The following DNMT3A variants were observed in gnomAD, a reference collection of about 807,000 sequenced individuals.
The protein encoded by DNMT3A is DNA methyltransferase 3 alpha, also known as DNA (cytosine-5)-methyltransferase 3A.
DNMT3A carries 267 observed loss-of-function variants against 117.6 expected under a neutral mutation model. That is an observed-to-expected ratio of 2.27 (90% CI 2.05 to 2.51). DNMT3A has a LOEUF of 2.51. DNMT3A is among the 30% of genes most tolerant of loss of function. DNMT3A has a pLI of 0.00. For missense variants in DNMT3A, 1,029 were observed against 1,260.2 expected (o/e 0.82, Z 2.78); for synonymous variants, 432 against 474.8 (o/e 0.91, Z 1.17).
intron 6 of DNMT3A, among the ~76,000 whole-genome samples, chr2:25,261,649 G>A (rs934598255): frequency 6.6e-6 from 1 of 151,444 alleles, no homozygotes; most frequent in African/African-American, 2.4e-5. Context: ...AAATAGAAAT[G>A]TATATATTGT....
chr2:25,320,951 G>A (rs549290364), intron 1 of DNMT3A, among the ~76,000 whole-genome samples: 2 of 152,218 alleles, frequency 1.3e-5, no homozygotes, highest in African/African-American at 4.8e-5. Context: ...GACCAACATG[G>A]AGAAACTCCG....
rs1441222473 is a variant in DNMT3A at position 25,233,761 on chromosome 2, T to C, written c.*518A>G. The C allele has an allele frequency of 5.7e-5, 5 of 87,818 alleles. No individual in the cohort carries two copies. The highest frequency in any genetic ancestry group is 9.9e-5 in the African/African-American group (1 of 10,138). 5.4% of individuals were successfully genotyped at this position (87,818 alleles called of 1,614,324 possible). On this transcript the variant is annotated 3_prime_UTR_variant, in exon 23 of 23. Transcript: ENST00000321117. ...CTAGAGACAACAAAAAAAAGATATA[T>C]AGTAAAAAAAAAAACCCAAAAAAAA...
chr2:25,312,127 G>A lies in DNMT3A; in HGVS notation c.72+1786C>T, dbSNP rs779238182. 4.6e-5 allele frequency among the ~76,000 whole-genome samples: 7 copies of A among 152,154 alleles called. No individual in the cohort carries two copies. In the South Asian group the frequency reaches 1.2e-3, roughly 27 times the overall value. Reference sequence around the variant, plus strand: ...CAGGACATCGGACCCAGAGTGGGGCGACACTCGGGGTCACCTTATCCGACA... The same window carrying A: ...CAGGACATCGGACCCAGAGTGGGGCAACACTCGGGGTCACCTTATCCGACA... On this transcript the variant is annotated intron_variant, in intron 2 of 22. Coordinates refer to ENST00000321117, the MANE Select transcript of DNMT3A (RefSeq NM_022552.5).
chr2:25,239,177 A>AGCTG lies in DNMT3A; in HGVS notation c.2357_2360dup (p.Ala788SerfsTer11), dbSNP rs774168244. 6.2e-7 allele frequency: 1 copy of AGCTG among 1,614,034 alleles called. No homozygotes were observed. The highest frequency in any genetic ancestry group is 8.5e-7 in the Non-Finnish European group (1 of 1,179,996). The stretch of plus-strand genomic sequence containing the variant: ...CCCAGAAGTAGCGGGCCCTGTGTGC[A>AGCTG]GCTGACACTTCTTTGGCATCAATCA... On this transcript the variant is annotated frameshift_variant, in exon 20 of 23. Coordinates refer to ENST00000321117, the MANE Select transcript of DNMT3A (RefSeq NM_022552.5). LOFTEE classifies it high-confidence loss of function.
At position 25,247,963 on chromosome 2, in the gene DNMT3A, G is replaced by A. The variant is rs771248112; in HGVS notation, c.855+74C>T. 1 of 1,597,260 alleles carries A rather than the reference G, an allele frequency of 6.3e-7. No homozygotes were observed. The highest frequency in any genetic ancestry group is 8.5e-7 in the Non-Finnish European group (1 of 1,171,258). On this transcript the variant is annotated intron_variant, in intron 7 of 22. Transcript: ENST00000321117. This position sits in a 1 kb window ranked among gnomAD's most constrained non-coding sequence, Gnocchi z 5.6. ...CGGCCCGTGGGAGATGGAGAGAGGA[G>A]AGCAGGACGGGAGGAGCTGGCAGTG...
At chr2:25,287,244 G>C (rs2032377282) in intron 3 of DNMT3A, among the ~76,000 whole-genome samples, 1 of 152,082 alleles carries the variant, frequency 6.6e-6, no homozygotes, top group African/African-American at 2.4e-5. Flanking sequence ...GGCACCACCA[G>C]CAGGTGCAGC....
chr2:25,259,659 A>AG (rs1676442289), intron 6 of DNMT3A, among the ~76,000 whole-genome samples: 2 of 152,272 alleles, frequency 1.3e-5, no homozygotes, highest in African/African-American at 4.8e-5. Flanking sequence ...GTTTATACTA[A>AG]GGGGGGTGTG....
Position 25,240,403 on chromosome 2 carries a change from C to T in DNMT3A, c.2221G>A (p.Ala741Thr), listed in dbSNP as rs2149272033. The change falls in exon 19 of 23, where the codon GCG becomes ACG. Residue 741 changes from alanine to threonine, a missense_variant. By Grantham distance (58) the Ala-to-Thr change is moderately conservative. Transcript: ENST00000321117. Reference sequence around the variant, plus strand: ...CGATCATCTCCCTCCTTGGGCCGCGCATCATGCAGGAGGCGGTAGAACTCA... The same window carrying T: ...CGATCATCTCCCTCCTTGGGCCGCGTATCATGCAGGAGGCGGTAGAACTCA... ...FFEFYRLLHD[A>T]RPKEGDDRPF... 1 of 1,613,782 alleles carries T rather than the reference C, an allele frequency of 6.2e-7. No individual in the cohort carries two copies. The highest frequency in any genetic ancestry group is 8.5e-7 in the Non-Finnish European group (1 of 1,179,840).
chr2:25,246,593 C>A, intron 10 of DNMT3A, 27 bp downstream of exon 10: 1 of 1,594,896 alleles, frequency 6.3e-7, no homozygotes, highest in South Asian at 1.1e-5. Context: ...GGGCAGGGGT[C>A]CCAGAAAGCT....
rs749167103 is a variant in DNMT3A at position 25,234,311 on chromosome 2, C to T, written c.2707G>A (p.Ala903Thr). ...CACGCAAAATACTCCTTCAGCGGAGCGAAGAGGTGGCGGATGACTGGCACG... is the reference window on the plus strand; with the variant it reads ...CACGCAAAATACTCCTTCAGCGGAGTGAAGAGGTGGCGGATGACTGGCACG... ...WSVPVIRHLF[A>T]PLKEYFACV The change falls in exon 23 of 23, where the codon GCT (alanine) becomes ACT (threonine). Residue 903 changes from alanine (A) to threonine (T), a missense_variant. By Grantham distance (58) the Ala-to-Thr change is moderately conservative. Transcript: ENST00000321117. The surrounding 1 kb of genome is among the most constrained non-coding windows in gnomAD (Gnocchi z 4.5). The T allele has an allele frequency of 1.9e-6, 3 of 1,613,900 alleles. No homozygotes were observed. Among genetic ancestry groups the T allele is most frequent in the South Asian group, 2.2e-5 (2 of 91,056 alleles).
intron 6 of DNMT3A, among the ~76,000 whole-genome samples, chr2:25,266,237 G>A (rs2030330141): frequency 6.6e-6 from 1 of 152,190 alleles, no homozygotes. Context: ...AAGTATACTT[G>A]CTGTGCCTAC....
In DNMT3A at chr2:25,244,444, T is replaced by C. The variant is rs1021685180; in HGVS notation, c.1667+96A>G. 2.6e-6 allele frequency: 4 copies of C among 1,528,386 alleles called. No homozygotes were observed. The African/African-American group carries it at 6.2e-5, about 24-fold the overall frequency. The allele number at this position is 1,528,386 out of a possible 1,614,324, so 94.7% of individuals were successfully genotyped here. On this transcript the variant is annotated intron_variant, in intron 14 of 22. Transcript: ENST00000321117. ...CCGGGTCTGGAGCATGGCTAGGGGGTGGAGGGTCTGTGGGGAAGGGAGAGG... is the reference window on the plus strand; with the variant it reads ...CCGGGTCTGGAGCATGGCTAGGGGGCGGAGGGTCTGTGGGGAAGGGAGAGG...
intron 2 of DNMT3A, among the ~76,000 whole-genome samples, chr2:25,307,281 A>G (rs2033831967): frequency 6.6e-6 from 1 of 152,110 alleles, no homozygotes; most frequent in African/African-American, 2.4e-5. Context: ...CAGAGAGGAA[A>G]GGCTCATTTC....
At position 25,337,693 on chromosome 2, in the gene DNMT3A, A is replaced by G. The variant is rs1195141400; in HGVS notation, c.-178+4133T>C. Among the ~76,000 whole-genome samples, 1 of 152,180 alleles carries G rather than the reference A, an allele frequency of 6.6e-6. No individual in the cohort carries two copies. The highest frequency in any genetic ancestry group is 1.5e-5 in the Non-Finnish European group (1 of 68,036). On this transcript the variant is annotated intron_variant, in intron 1 of 22. Coordinates refer to ENST00000321117, the MANE Select transcript of DNMT3A (RefSeq NM_022552.5). The surrounding 1 kb of genome is among the most constrained non-coding windows in gnomAD (Gnocchi z 5.0). ...GCACTGAACCTCGTCTTGCCCACAC[A>G]CTTAGCCAAGTGGAGGCAGGCTCGG...
At chr2:25,285,933 G>C (rs1454642445) in intron 3 of DNMT3A, among the ~76,000 whole-genome samples, 1 of 114,056 alleles carries the variant, frequency 8.8e-6, no homozygotes, top group South Asian at 2.6e-4. Flanking sequence ...CCCCCAACAT[G>C]GCACTACCAT....
At chr2:25,292,315 A>G (rs1229727410) in intron 3 of DNMT3A, among the ~76,000 whole-genome samples, 2 of 152,072 alleles carry the variant, frequency 1.3e-5, no homozygotes, top group East Asian at 3.9e-4. Flanking sequence ...GCACCACTGC[A>G]CTCCGGCCTG....
rs578119184 is a variant in DNMT3A, at chr2:25,292,597, C to T, written c.177+7542G>A. ...TGTGCTGTGCTCAGCCCGCCGCACC[C>T]GACATGATTTCATAGCCTTAATCAC... On this transcript the variant is annotated intron_variant, in intron 3 of 22. Transcript: ENST00000321117. Among the ~76,000 whole-genome samples the T allele has an allele frequency of 2.0e-4, 30 of 152,248 alleles. 2 individuals carry two copies. In the South Asian group the frequency reaches 5.8e-3, roughly 29 times the overall value.
rs537906726 is a variant in DNMT3A at position 25,246,263 on chromosome 2, T to G, written c.1326A>C (p.Glu442Asp). 6.2e-7 allele frequency: 1 copy of G among 1,614,028 alleles called. No homozygotes were observed. Among genetic ancestry groups the G allele is most frequent in the African/African-American group, 1.3e-5 (1 of 75,042 alleles). Residue 442 changes from glutamate (E) to aspartate (D), a missense_variant, in exon 11 of 23, where the codon GAA becomes GAC. Physicochemically the swap from Glu to Asp is conservative, Grantham distance 45 (BLOSUM62 2). Coordinates refer to ENST00000321117, the MANE Select transcript of DNMT3A (RefSeq NM_022552.5). ...YKEVYTDMWV[E>D]PEAAAYAPPP... is the part of the protein sequence containing the mutation. ...GTGGTGCGTAGGCAGCTGCCTCAGG[T>G]TCCACCCACATGTCCGTGTACACTT...
chr2:25,267,015 G>T (rs1045544459), intron 6 of DNMT3A, among the ~76,000 whole-genome samples: 2 of 152,124 alleles, frequency 1.3e-5, no homozygotes, highest in Non-Finnish European at 2.9e-5. Context: ...AACATAAATG[G>T]CCACCAATAA....
Sources: gnomAD v4.1 joint callset for allele counts (sites outside exome capture counted in the v4.1 genomes callset) on GRCh38, gnomAD v4.1.1 for gene constraint, Gnocchi (gnomAD v3.1) non-coding constraint, MANE v1.5 for transcripts, NCBI Gene and HGNC (gene_info 2026-07-23, HGNC 2026-07-21) for gene names.